Variants in FDX1 observed in about 807,000 individuals in gnomAD.
FDX1 encodes the protein ferredoxin 1.
Under a neutral mutation model 14.9 loss-of-function variants are expected in FDX1, and 9 were observed. The observed-to-expected ratio is 0.60, with a 90% CI of 0.36 to 1.05. FDX1 has a LOEUF of 1.05. Among genes scored for constraint, FDX1 ranks in the 50% least tolerant of loss-of-function variants. The pLI, the probability that FDX1 is intolerant of heterozygous loss-of-function variation, is 0.01. For synonymous variants in FDX1, 92 were observed against 99.4 expected, an observed-to-expected ratio of 0.93 and a Z score of 0.44; for missense variants, 204 against 237.2, an observed-to-expected ratio of 0.86 and a Z score of 0.92.
At chr11:110,430,798 G>T (rs1292031783) in intron 1 of FDX1, among the ~76,000 whole-genome samples, 1 of 152,154 alleles carries the variant, frequency 6.6e-6, no homozygotes, top group African/African-American at 2.4e-5. Flanking sequence ...TTTGTCAGGG[G>T]GTGTCCAGGT....
intron 2 of FDX1, among the ~76,000 whole-genome samples, chr11:110,444,681 TATACAC>T (rs1440332176): frequency 0.15 from 10,792 of 73,060 alleles, 1,464 homozygotes; most frequent in East Asian, 0.41. Flanking sequence ...TATATATATA[TATACAC>T]GTATATATAT....
chr11:110,442,062 T>G (rs945145530), intron 2 of FDX1, among the ~76,000 whole-genome samples: 5 of 152,218 alleles, frequency 3.3e-5, no homozygotes, highest in Admixed American at 6.5e-5. Flanking sequence ...CATGTGGTAT[T>G]GAGCCTGCTA....
chr11:110,431,918 T>C (rs1366063293), intron 1 of FDX1, among the ~76,000 whole-genome samples: 1 of 152,208 alleles, frequency 6.6e-6, no homozygotes, highest in Non-Finnish European at 1.5e-5. Flanking sequence ...AGACTTGTGC[T>C]GTAACTACCG....
Position 110,436,091 on chromosome 11 carries a change from G to A in FDX1, c.310+133G>A, listed in dbSNP as rs1946367118. On this transcript the variant is annotated intron_variant, in intron 2 of 3. Transcript: ENST00000260270. ...AAATATTAACATTCAGGATGTGTTAGTGTTATATTCTTGTTTATAAAGAAT... is the reference window on the plus strand; with the variant it reads ...AAATATTAACATTCAGGATGTGTTAATGTTATATTCTTGTTTATAAAGAAT... 4.1e-6 allele frequency: 3 copies of A among 729,622 alleles called. No homozygotes were observed. The Admixed American group carries it at 8.2e-5, about 20-fold the overall frequency. 45.2% of individuals were successfully genotyped at this position (729,622 alleles called of 1,614,324 possible).
chr11:110,455,577 A>T (rs1946516851), intron 2 of FDX1, among the ~76,000 whole-genome samples: 1 of 152,232 alleles, frequency 6.6e-6, no homozygotes. Flanking sequence ...AGATTTAAGC[A>T]GACTGTGATT....
chr11:110,461,753 G>T (rs1946558198), intron 3 of FDX1, among the ~76,000 whole-genome samples: 1 of 152,036 alleles, frequency 6.6e-6, no homozygotes, highest in Non-Finnish European at 1.5e-5. Context: ...TATGAATATT[G>T]TCACCAAATC....
At chr11:110,433,833 T>G (rs1225590153) in intron 1 of FDX1, among the ~76,000 whole-genome samples, 1 of 152,198 alleles carries the variant, frequency 6.6e-6, no homozygotes, top group Non-Finnish European at 1.5e-5. Context: ...CCAGTGGGGC[T>G]TCAGTTGCCT....
intron 2 of FDX1, among the ~76,000 whole-genome samples, chr11:110,448,993 T>G: frequency 6.6e-6 from 1 of 152,230 alleles, no homozygotes; most frequent in East Asian, 1.9e-4. Context: ...ATGATTTTCT[T>G]GACTATGGTG....
chr11:110,441,473 C>T (rs558627272), intron 2 of FDX1, among the ~76,000 whole-genome samples: 10 of 152,166 alleles, frequency 6.6e-5, no homozygotes, highest in African/African-American at 1.9e-4. Flanking sequence ...CAGATGGAGA[C>T]GAGGAACTTG....
At chr11:110,444,650 G>GTGTA (rs1264040116) in intron 2 of FDX1, among the ~76,000 whole-genome samples, 11 of 53,826 alleles carry the variant, frequency 2.0e-4, no homozygotes, top group East Asian at 1.1e-3. Context: ...GTGTGTGTGT[G>GTGTA]TATATATATA....
chr11:110,440,719 A>T (rs961158940), intron 2 of FDX1, among the ~76,000 whole-genome samples: 2 of 152,230 alleles, frequency 1.3e-5, no homozygotes, highest in Admixed American at 6.5e-5. Flanking sequence ...GCTAAACATG[A>T]TCTAACACAA....
Position 110,437,145 on chromosome 11 carries a change from C to G in FDX1, c.310+1187C>G, listed in dbSNP as rs553872716. ...TGAGTAGCTGGGACTGCAGGTGCAC[C>G]ATCACACCTGGCTGAATTTTGTATT... On this transcript the variant is annotated intron_variant, in intron 2 of 3. Coordinates refer to ENST00000260270, the MANE Select transcript of FDX1 (RefSeq NM_004109.5). Among the ~76,000 whole-genome samples, 7 of 152,190 alleles carry G rather than the reference C, an allele frequency of 4.6e-5. No homozygotes were observed. In the South Asian group the frequency reaches 1.2e-3, roughly 27 times the overall value.
chr11:110,451,979 G>T (rs984465256), intron 2 of FDX1, among the ~76,000 whole-genome samples: 4 of 152,100 alleles, frequency 2.6e-5, no homozygotes, highest in Non-Finnish European at 4.4e-5. Context: ...GTGAAGAAAG[G>T]GTATTCTTTT....
intron 2 of FDX1, among the ~76,000 whole-genome samples, chr11:110,452,199 G>A (rs1946490949): frequency 6.6e-6 from 1 of 151,782 alleles, no homozygotes; most frequent in Non-Finnish European, 1.5e-5. Context: ...GACTGGAAAA[G>A]AATTTATATA....
At chr11:110,456,508 T>TA (rs1440762457) in intron 2 of FDX1, among the ~76,000 whole-genome samples, 3 of 132,462 alleles carry the variant, frequency 2.3e-5, no homozygotes, top group Non-Finnish European at 4.8e-5. Context: ...ATTTATGTAT[T>TA]CTTTTTTTTT....
chr11:110,445,513 CT>C (rs1292388657), intron 2 of FDX1, among the ~76,000 whole-genome samples: 1 of 152,090 alleles, frequency 6.6e-6, no homozygotes, highest in African/African-American at 2.4e-5. Flanking sequence ...AACATATCAT[CT>C]TTTGCAAGGG....
intron 2 of FDX1, among the ~76,000 whole-genome samples, chr11:110,450,051 A>G (rs1946476588): frequency 6.6e-6 from 1 of 152,178 alleles, no homozygotes; most frequent in Non-Finnish European, 1.5e-5. Flanking sequence ...GTATTTTCTA[A>G]GGCAGTGGCC....
chr11:110,436,019 T>C, intron 2 of FDX1, 61 bp downstream of exon 2: 1 of 1,497,178 alleles, frequency 6.7e-7, no homozygotes, highest in South Asian at 1.2e-5. Context: ...AATTTTTATT[T>C]TGTGGTTTTT....
chr11:110,437,849 G>T (rs2134569541), intron 2 of FDX1, among the ~76,000 whole-genome samples: 1 of 152,218 alleles, frequency 6.6e-6, no homozygotes, highest in African/African-American at 2.4e-5. Flanking sequence ...ATGTCCATGG[G>T]ACCCAGTATT....
Sources: allele counts gnomAD v4.1 joint callset (sites outside exome capture counted in the v4.1 genomes callset), GRCh38; gene constraint gnomAD v4.1.1; transcripts MANE v1.5; gene names NCBI Gene and HGNC (gene_info 2026-07-23, HGNC 2026-07-21).